ABCC4: variants seen among roughly 807,000 people sequenced by gnomAD.
ABCC4 encodes the protein ATP binding cassette subfamily C member 4 (PEL blood group).
ABCC4 carries 102 observed loss-of-function variants against 168.5 expected under a neutral mutation model. The ratio of observed to expected loss-of-function variants is 0.61; its 90% confidence interval spans 0.52 to 0.71. The LOEUF (loss-of-function observed/expected upper bound fraction) is 0.71, where lower values mean the gene tolerates loss of function less well. Among genes scored for constraint, ABCC4 ranks in the 30% least tolerant of loss-of-function variants. The pLI, the probability that ABCC4 is intolerant of heterozygous loss-of-function variation, is 0.00. For missense variants in ABCC4, 1,402 were observed against 1,605.8 expected (o/e 0.87, Z 2.17); for synonymous variants, 617 against 590.7 (o/e 1.04, Z -0.65).
At chr13:95,187,371 G>A (rs927634054) in intron 10 of ABCC4, among the ~76,000 whole-genome samples, 11 of 152,176 alleles carry the variant, frequency 7.2e-5, no homozygotes, top group Admixed American at 5.9e-4. Flanking sequence ...TTGGGAGGCC[G>A]AGGCGGGTGG....
intron 21 of ABCC4, among the ~76,000 whole-genome samples, chr13:95,081,510 C>A (rs568687883): frequency 6.6e-6 from 1 of 152,340 alleles, no homozygotes; most frequent in Admixed American, 6.5e-5. Context: ...TTATACTCTA[C>A]CTTCCCTAGC....
At chr13:95,159,672 A>T (rs2037023847) in intron 19 of ABCC4, among the ~76,000 whole-genome samples, 1 of 152,204 alleles carries the variant, frequency 6.6e-6, no homozygotes. Flanking sequence ...TTACAGCTGT[A>T]ATAGCGCAGA....
intron 1 of ABCC4, among the ~76,000 whole-genome samples, chr13:95,253,482 T>C (rs1363792498): frequency 6.6e-6 from 1 of 152,056 alleles, no homozygotes; most frequent in East Asian, 1.9e-4. Flanking sequence ...TGATGGCTCA[T>C]GCCTGTAATC....
intron 29 of ABCC4, among the ~76,000 whole-genome samples, chr13:95,040,267 T>C (rs2032297610): frequency 6.6e-6 from 1 of 152,230 alleles, no homozygotes; most frequent in Non-Finnish European, 1.5e-5. Context: ...GATCTCACTC[T>C]GTCGCCCAGG....
At chr13:95,175,103 G>A (rs564690981) in intron 13 of ABCC4, among the ~76,000 whole-genome samples, 10 of 152,150 alleles carry the variant, frequency 6.6e-5, no homozygotes, top group African/African-American at 1.9e-4. Context: ...AGGAACCCAC[G>A]TAGAGCCCCA....
intron 1 of ABCC4, among the ~76,000 whole-genome samples, chr13:95,286,479 T>C (rs973072289): frequency 3.3e-5 from 5 of 152,080 alleles, no homozygotes; most frequent in Non-Finnish European, 5.9e-5. Context: ...AGTACTTCCA[T>C]AGATAGTGGC....
intron 17 of ABCC4, 39 bp from the exon 18 acceptor site, chr13:95,163,255 T>A (rs374678267): frequency 4.2e-5 from 56 of 1,343,156 alleles, no homozygotes; most frequent in Non-Finnish European, 5.5e-5. Context: ...AAGCTATATA[T>A]GAAATTTAGA....
intron 4 of ABCC4, among the ~76,000 whole-genome samples, chr13:95,216,092 C>A (rs1470697914): frequency 6.6e-6 from 1 of 152,120 alleles, no homozygotes; most frequent in Admixed American, 6.6e-5. Flanking sequence ...GTAAGCCAGA[C>A]AACTGAACAA....
chr13:95,106,155 A>G (rs983808456), intron 20 of ABCC4, among the ~76,000 whole-genome samples: 9 of 152,078 alleles, frequency 5.9e-5, no homozygotes, highest in African/African-American at 2.2e-4. Context: ...AATTCCATAC[A>G]CAAGTTTACA....
At chr13:95,259,846 G>T (rs2040485285) in intron 1 of ABCC4, among the ~76,000 whole-genome samples, 1 of 135,980 alleles carries the variant, frequency 7.4e-6, no homozygotes, top group Admixed American at 7.1e-5. Context: ...TTACATCTGT[G>T]TAGTGTGGGG....
chr13:95,261,603 T>C (rs948052017), intron 1 of ABCC4, among the ~76,000 whole-genome samples: 2 of 152,072 alleles, frequency 1.3e-5, no homozygotes, highest in Admixed American at 6.6e-5. Context: ...GTATTAATGG[T>C]GACATGGCTA....
intron 19 of ABCC4, among the ~76,000 whole-genome samples, chr13:95,136,194 G>T (rs568172238): frequency 6.6e-6 from 1 of 151,888 alleles, no homozygotes; most frequent in Non-Finnish European, 1.5e-5. Flanking sequence ...GTTTTGAGAC[G>T]GGGGTTTTCA....
chr13:95,214,884 CAAAAAAAAAA>C (rs60962674), intron 4 of ABCC4, among the ~76,000 whole-genome samples: 234 of 88,618 alleles, frequency 2.6e-3, no homozygotes, highest in African/African-American at 9.7e-3. Context: ...GACTCCAATT[CAAAAAAAAAA>C]AAAAAAAAAC....
rs369023623 is a variant in ABCC4 at position 95,054,971 on chromosome 13, T to C, written c.3367-1787A>G. Among the ~76,000 whole-genome samples, 8 of 152,228 alleles carry C rather than the reference T, an allele frequency of 5.3e-5. No individual in the cohort carries two copies. In the East Asian group the frequency reaches 7.7e-4, roughly 15 times the overall value. On this transcript the variant is annotated intron_variant, in intron 26 of 30. Coordinates refer to ENST00000645237, the MANE Select transcript of ABCC4 (RefSeq NM_005845.5). ...CCAAAAACATAAGTCCTCAGCAAAATGCAAAAATGGAAACGACGGTAAAAT... is the reference window on the plus strand; with the variant it reads ...CCAAAAACATAAGTCCTCAGCAAAACGCAAAAATGGAAACGACGGTAAAAT...
At chr13:95,026,888 C>A (rs1443020948) in intron 30 of ABCC4, among the ~76,000 whole-genome samples, 6 of 142,588 alleles carry the variant, frequency 4.2e-5, no homozygotes, top group African/African-American at 1.0e-4. Flanking sequence ...GACCCTGTCT[C>A]AAAAAAAAAA....
At chr13:95,232,171 C>T (rs1417431366) in intron 4 of ABCC4, among the ~76,000 whole-genome samples, 3 of 150,982 alleles carry the variant, frequency 2.0e-5, no homozygotes, top group Non-Finnish European at 4.4e-5. Flanking sequence ...ATGATGAAGA[C>T]CCCTTGACTA....
intron 25 of ABCC4, among the ~76,000 whole-genome samples, chr13:95,066,370 A>G (rs1196854819): frequency 6.6e-6 from 1 of 152,152 alleles, no homozygotes; most frequent in Non-Finnish European, 1.5e-5. Context: ...TATCTTACGG[A>G]GCAGGCATTT....
chr13:95,268,951 G>A lies in ABCC4; in HGVS notation c.75-21198C>T, dbSNP rs76129012. Among the ~76,000 whole-genome samples the A allele has an allele frequency of 8.0e-4, 122 of 152,040 alleles. 1 individual carries two copies. In the East Asian group the frequency reaches 0.019, roughly 24 times the overall value. On this transcript the variant is annotated intron_variant, in intron 1 of 30. Transcript: ENST00000645237. The stretch of plus-strand genomic sequence containing the variant: ...TGTCTCTTTCTTTTCTCAGTCTCTC[G>A]TCCCACCCGATGAGAAACACCCACA...
intron 11 of ABCC4, among the ~76,000 whole-genome samples, chr13:95,184,204 C>T (rs1466839389): frequency 1.3e-5 from 2 of 152,182 alleles, no homozygotes; most frequent in Non-Finnish European, 2.9e-5. Context: ...ACGGAAGAGG[C>T]TGAATGGCAG....
Sources: gnomAD v4.1 joint callset for allele counts (sites outside exome capture counted in the v4.1 genomes callset) on GRCh38, gnomAD v4.1.1 for gene constraint, MANE v1.5 for transcripts, NCBI Gene and HGNC (gene_info 2026-07-23, HGNC 2026-07-21) for gene names.